The following EGFR variants were observed in gnomAD, a reference collection of about 807,000 sequenced individuals.
The protein encoded by EGFR is avian erythroblastic leukemia viral (v-erb-b) oncogene homolog.
A neutral mutation model predicts 143.0 loss-of-function variants in EGFR; 58 were observed. That is an observed-to-expected ratio of 0.41 (90% CI 0.33 to 0.50). The LOEUF (loss-of-function observed/expected upper bound fraction) is 0.50, where lower values mean the gene tolerates loss of function less well. Among genes scored for constraint, EGFR ranks in the 20% least tolerant of loss-of-function variants. EGFR has a pLI of 0.39. For synonymous variants in EGFR, 613 were observed against 594.4 expected (o/e 1.03, Z -0.45); for missense variants, 1,307 against 1,579.0 (o/e 0.83, Z 2.92).
At chr7:55,057,918 T>G (rs2128877448) in intron 1 of EGFR, among the ~76,000 whole-genome samples, 1 of 152,370 alleles carries the variant, frequency 6.6e-6, no homozygotes, top group African/African-American at 2.4e-5. Context: ...AACGTGCTCT[T>G]TTTAAATGGT....
chr7:55,023,791 T>G (rs1269238769), intron 1 of EGFR, among the ~76,000 whole-genome samples: 3 of 152,206 alleles, frequency 2.0e-5, no homozygotes, highest in African/African-American at 7.2e-5. Flanking sequence ...CTTGAACCAC[T>G]AATCCATAGA....
At chr7:55,204,572 C>A (rs1279173136) in intron 27 of EGFR, among the ~76,000 whole-genome samples, 3 of 141,332 alleles carry the variant, frequency 2.1e-5, no homozygotes, top group African/African-American at 7.9e-5. Context: ...CACACATACA[C>A]ACCACACACA....
At chr7:55,022,379 A>C (rs926245014) in intron 1 of EGFR, among the ~76,000 whole-genome samples, 1 of 150,436 alleles carries the variant, frequency 6.6e-6, no homozygotes, top group African/African-American at 2.5e-5. Flanking sequence ...CAAAGTGGGG[A>C]TATTAATGGT....
rs183051665 is a variant in EGFR, at chr7:55,189,741, C to G, written c.2470-1978C>G. Among the ~76,000 whole-genome samples, 481 of 151,962 alleles carry G rather than the reference C, an allele frequency of 3.2e-3. 2 individuals are homozygous for G. Among genetic ancestry groups the G allele is most frequent in the African/African-American group, 9.9e-3 (408 of 41,384 alleles). The stretch of plus-strand genomic sequence containing the variant: ...GGACGCCTTCAACAAATGTGAAGAA[C>G]GAACAAAAGGTACAAATGTGAAGAA... On this transcript the variant is annotated intron_variant, in intron 20 of 27. Transcript: ENST00000275493.
At chr7:55,141,039 G>A (rs1794428209) in intron 1 of EGFR, among the ~76,000 whole-genome samples, 1 of 152,182 alleles carries the variant, frequency 6.6e-6, no homozygotes, top group Non-Finnish European at 1.5e-5. Context: ...CATGTAAAAA[G>A]CATTGAAGAA....
chr7:55,191,826 C>A lies in EGFR; in HGVS notation c.2577C>A (p.Ala859=), dbSNP rs1006848281. Residue 859 remains alanine (A), a synonymous_variant, in exon 21 of 28, where the codon GCC becomes GCA. Coordinates refer to ENST00000275493, the MANE Select transcript of EGFR (RefSeq NM_005228.5). The stretch of plus-strand genomic sequence containing the variant: ...TCAAGATCACAGATTTTGGGCTGGC[C>A]AAACTGCTGGGTGCGGAAGAGAAAG... ...QHVKITDFGL[A]KLLGAEEKEY... The A allele has an allele frequency of 6.2e-7, 1 of 1,613,962 alleles. No individual in the cohort carries two copies. The highest frequency in any genetic ancestry group is 1.3e-5 in the African/African-American group (1 of 74,922).
At chr7:55,164,347 AT>A (rs1252893859) in intron 14 of EGFR, among the ~76,000 whole-genome samples, 1 of 152,138 alleles carries the variant, frequency 6.6e-6, no homozygotes, top group Admixed American at 6.5e-5. Context: ...GATGTTGTTA[AT>A]TCTCAATGTT....
intron 1 of EGFR, among the ~76,000 whole-genome samples, chr7:55,065,284 G>C (rs1583950693): frequency 6.6e-6 from 1 of 152,126 alleles, no homozygotes; most frequent in Non-Finnish European, 1.5e-5. Flanking sequence ...GGGAGGAGAG[G>C]GGTGGACGAG....
At chr7:55,160,883 T>G (rs143003812) in intron 12 of EGFR, among the ~76,000 whole-genome samples, 1 of 152,210 alleles carries the variant, frequency 6.6e-6, no homozygotes, top group African/African-American at 2.4e-5. Context: ...TCCTCATCCA[T>G]AGAATGGAGA....
At chr7:55,110,366 A>G (rs1792400340) in intron 1 of EGFR, among the ~76,000 whole-genome samples, 1 of 152,212 alleles carries the variant, frequency 6.6e-6, no homozygotes, top group Admixed American at 6.5e-5. Flanking sequence ...AAGATAATAA[A>G]GCAGAAGCAT....
At position 55,023,243 on chromosome 7, in the gene EGFR, T is replaced by C. The variant is rs532760507; in HGVS notation, c.88+3878T>C. 1.8e-3 allele frequency among the ~76,000 whole-genome samples: 281 copies of C among 152,336 alleles called. 2 individuals are homozygous for C. The highest frequency in any genetic ancestry group is 6.8e-3 in the Middle Eastern group (2 of 294). ...AATTTTGACTTCATAAGTACTCTAGTTATGAGCTTATTTAACATTGGGTTT... is the reference window on the plus strand; with the variant it reads ...AATTTTGACTTCATAAGTACTCTAGCTATGAGCTTATTTAACATTGGGTTT... On this transcript the variant is annotated intron_variant, in intron 1 of 27. Transcript: ENST00000275493.
intron 15 of EGFR, chr7:55,170,428 T>A (rs1475431691): frequency 6.2e-7 from 1 of 1,614,208 alleles, no homozygotes; most frequent in Non-Finnish European, 8.5e-7. Flanking sequence ...GGAGTCATGC[T>A]TAGGATGGAT....
intron 20 of EGFR, among the ~76,000 whole-genome samples, chr7:55,191,453 C>T (rs1787390233): frequency 6.6e-6 from 1 of 152,098 alleles, no homozygotes; most frequent in African/African-American, 2.4e-5. Context: ...GGCAGCAGAG[C>T]TCCTGCTCTT....
chr7:55,157,085 C>T, intron 10 of EGFR: 4 of 865,444 alleles, frequency 4.6e-6, no homozygotes, highest in Non-Finnish European at 6.7e-6. Context: ...AGCCAGCTGC[C>T]TTGGTGGCCC....
Position 55,173,002 on chromosome 7 carries a change from G to A in EGFR, c.1939G>A (p.Ala647Thr), listed in dbSNP as rs764359156. ...TTCCAGGCCTAAGATCCCGTCCATC[G>A]CCACTGGGATGGTGGGGGCCCTCCT... The part of the protein sequence containing the change: ...PTNGPKIPSI[A>T]TGMVGALLLL... The change falls in exon 17 of 28, where the codon GCC (alanine) becomes ACC (threonine). Residue 647 changes from alanine to threonine, a missense_variant. By Grantham distance (58) the Ala-to-Thr change is moderately conservative. Coordinates refer to ENST00000275493, the MANE Select transcript of EGFR (RefSeq NM_005228.5). The A allele has an allele frequency of 6.2e-6, 10 of 1,613,962 alleles. No individual in the cohort carries two copies. Among genetic ancestry groups the A allele is most frequent in the East Asian group, 2.2e-5 (1 of 44,890 alleles).
At chr7:55,053,022 C>G (rs1004714038) in intron 1 of EGFR, among the ~76,000 whole-genome samples, 1 of 152,106 alleles carries the variant, frequency 6.6e-6, no homozygotes, top group Non-Finnish European at 1.5e-5. Flanking sequence ...CCCTGCTCCC[C>G]TGAGTCTCGG....
chr7:55,132,789 A>G (rs1218785889), intron 1 of EGFR, among the ~76,000 whole-genome samples: 2 of 152,200 alleles, frequency 1.3e-5, no homozygotes, highest in Non-Finnish European at 2.9e-5. Context: ...GGCAGTGAGT[A>G]CTTCTGATTC....
intron 1 of EGFR, among the ~76,000 whole-genome samples, chr7:55,112,627 G>C (rs757043663): frequency 6.6e-6 from 1 of 152,190 alleles, no homozygotes; most frequent in African/African-American, 2.4e-5. Context: ...CCTGTGAAGC[G>C]AGGAAGGGTC....
chr7:55,118,437 G>C (rs996175521), intron 1 of EGFR, among the ~76,000 whole-genome samples: 4 of 152,148 alleles, frequency 2.6e-5, no homozygotes, highest in African/African-American at 9.7e-5. Context: ...GTACCTGAAG[G>C]CACCATCCCA....
Sources: gnomAD v4.1 joint callset for allele counts (sites outside exome capture counted in the v4.1 genomes callset) on GRCh38, gnomAD v4.1.1 for gene constraint, MANE v1.5 for transcripts, NCBI Gene and HGNC (gene_info 2026-07-23, HGNC 2026-07-21) for gene names.